ANKS1B: variants seen among roughly 807,000 people sequenced by gnomAD.
The protein encoded by ANKS1B is ankyrin repeat and sterile alpha motif domain-containing protein 1B.
In ANKS1B, 36 loss-of-function variants were observed where a neutral mutation model predicts 148.3. The ratio of observed to expected loss-of-function variants is 0.24; its 90% CI spans 0.19 to 0.32. The LOEUF is 0.32. Ranked by LOEUF, ANKS1B falls within the 10% of genes least tolerant of loss-of-function variation. The probability of loss-of-function intolerance (pLI) is 1.00; values close to 1 mark genes in which losing one functional copy is unlikely to be tolerated. For synonymous variants in ANKS1B, 542 were observed against 560.8 expected, an observed-to-expected ratio of 0.97 and a Z score of 0.47; for missense variants, 1,157 against 1,542.6, an observed-to-expected ratio of 0.75 and a Z score of 4.19.
chr12:99,554,381 C>G (rs1451125605), intron 9 of ANKS1B, among the ~76,000 whole-genome samples: 1 of 152,138 alleles, frequency 6.6e-6, no homozygotes, highest in Non-Finnish European at 1.5e-5. Flanking sequence ...CAGTCTTTCT[C>G]TCCCACGTTA....
At chr12:99,248,133 T>C (rs1008499491) in intron 12 of ANKS1B, among the ~76,000 whole-genome samples, 1 of 152,152 alleles carries the variant, frequency 6.6e-6, no homozygotes, top group Admixed American at 6.5e-5. Flanking sequence ...TGGAACGAGA[T>C]GGCCAAAATA....
At chr12:98,835,747 T>C (rs1432208337) in intron 17 of ANKS1B, among the ~76,000 whole-genome samples, 1 of 152,154 alleles carries the variant, frequency 6.6e-6, no homozygotes, top group Non-Finnish European at 1.5e-5. Context: ...GGATAGATGA[T>C]AGATGATAGA....
chr12:99,151,686 A>AT (rs1312345546), intron 15 of ANKS1B, among the ~76,000 whole-genome samples: 1 of 152,204 alleles, frequency 6.6e-6, no homozygotes, highest in Non-Finnish European at 1.5e-5. Flanking sequence ...TGTAGAACAG[A>AT]TTTAGCAAAT....
intron 12 of ANKS1B, among the ~76,000 whole-genome samples, chr12:99,272,135 T>C (rs1194965780): frequency 2.0e-5 from 3 of 152,102 alleles, no homozygotes; most frequent in African/African-American, 7.2e-5. Flanking sequence ...ATAAACAGTG[T>C]CTTCTATGGA....
At chr12:98,894,936 G>A in intron 17 of ANKS1B, 1 of 888,174 alleles carries the variant, frequency 1.1e-6, no homozygotes, top group Non-Finnish European at 1.3e-6. Flanking sequence ...CCCACCCCCC[G>A]CCGCGCGCCC....
chr12:99,562,347 CAA>C (rs1278679465), intron 9 of ANKS1B, among the ~76,000 whole-genome samples: 2 of 152,296 alleles, frequency 1.3e-5, no homozygotes, highest in East Asian at 1.9e-4. Context: ...TCACCCCTGA[CAA>C]AAGAGTCAGC....
chr12:99,292,861 G>A (rs1178579424), intron 12 of ANKS1B, among the ~76,000 whole-genome samples: 1 of 152,158 alleles, frequency 6.6e-6, no homozygotes, highest in African/African-American at 2.4e-5. Context: ...ACAGATGCTG[G>A]AGAGGATGTG....
intron 4 of ANKS1B, among the ~76,000 whole-genome samples, chr12:99,785,507 C>A (rs1043210008): frequency 8.6e-5 from 13 of 151,774 alleles, no homozygotes; most frequent in Non-Finnish European, 1.8e-4. Flanking sequence ...GATCTCAGCT[C>A]ACTGCAACCT....
rs1302180179 is a variant in ANKS1B, at chr12:99,450,518, GCTT to G, written c.1439-6712_1439-6710del. 2.0e-5 allele frequency among the ~76,000 whole-genome samples: 3 copies of G among 152,152 alleles called. No homozygotes were observed. The East Asian group carries it at 5.8e-4, about 29-fold the overall frequency. On this transcript the variant is annotated intron_variant, in intron 10 of 26. Coordinates refer to ENST00000683438, the MANE Select transcript of ANKS1B (RefSeq NM_001352186.2). ...ACTCCCTGCAAACTGTAAGCCAACA[GCTT>G]CTTGAATGTTTTTTTTCTGAGTATT...
At chr12:99,194,437 A>G (rs2081144133) in intron 14 of ANKS1B, among the ~76,000 whole-genome samples, 1 of 151,856 alleles carries the variant, frequency 6.6e-6, no homozygotes, top group African/African-American at 2.4e-5. Flanking sequence ...ATTATTTTAA[A>G]AATAGAGTTT....
chr12:99,957,759 C>T (rs2095345684), intron 1 of ANKS1B, among the ~76,000 whole-genome samples: 1 of 152,214 alleles, frequency 6.6e-6, no homozygotes, highest in African/African-American at 2.4e-5. Flanking sequence ...TCAGCACTGG[C>T]ATTGCTAACC....
chr12:99,493,465 T>C (rs1165704733), intron 10 of ANKS1B, among the ~76,000 whole-genome samples: 3 of 151,824 alleles, frequency 2.0e-5, no homozygotes, highest in Non-Finnish European at 4.4e-5. Flanking sequence ...AACAGGACTT[T>C]AGGAGACTAT....
At chr12:99,520,489 T>C (rs1044723589) in intron 9 of ANKS1B, among the ~76,000 whole-genome samples, 5 of 152,212 alleles carry the variant, frequency 3.3e-5, no homozygotes, top group African/African-American at 1.2e-4. Flanking sequence ...TTTTGCTACT[T>C]TTAGGATCCT....
chr12:98,850,138 T>A (rs1415235039), intron 17 of ANKS1B, among the ~76,000 whole-genome samples: 1 of 152,214 alleles, frequency 6.6e-6, no homozygotes, highest in Admixed American at 6.5e-5. Flanking sequence ...TTTAAAACTC[T>A]TATCTTCATT....
At chr12:99,378,546 CCAGGAGGCTGAGG>C (rs2093488260) in intron 12 of ANKS1B, among the ~76,000 whole-genome samples, 1 of 150,792 alleles carries the variant, frequency 6.6e-6, no homozygotes, top group Non-Finnish European at 1.5e-5. Context: ...TCTCAGCTAC[CCAGGAGGCTGAGG>C]CAGGAGAATT....
intron 17 of ANKS1B, among the ~76,000 whole-genome samples, chr12:98,871,373 C>T (rs78110477): frequency 0.035 from 5,314 of 152,064 alleles, 130 homozygotes; most frequent in Non-Finnish European, 0.047. Flanking sequence ...ATAATTTCTA[C>T]GATAGAAAAG....
intron 17 of ANKS1B, among the ~76,000 whole-genome samples, chr12:99,051,484 T>C (rs563663943): frequency 2.0e-5 from 3 of 152,294 alleles, no homozygotes; most frequent in African/African-American, 4.8e-5. Context: ...AGTTGGAAGA[T>C]TGTTTGGTTG....
At chr12:99,420,809 T>A (rs988013802) in intron 11 of ANKS1B, among the ~76,000 whole-genome samples, 1 of 152,170 alleles carries the variant, frequency 6.6e-6, no homozygotes, top group Non-Finnish European at 1.5e-5. Flanking sequence ...ATCATTAAGT[T>A]CTGAAATAGT....
chr12:99,161,529 ACCAAAACAAAAAAATCCCCC>A (rs1460013138), intron 14 of ANKS1B, among the ~76,000 whole-genome samples: 2 of 152,012 alleles, frequency 1.3e-5, no homozygotes. Flanking sequence ...AACAAACCAA[ACCAAAACAAAAAAATCCCCC>A]CCAAAACCCA....
Sources: gnomAD v4.1 joint callset for allele counts (sites outside exome capture counted in the v4.1 genomes callset) on GRCh38, gnomAD v4.1.1 for gene constraint, MANE v1.5 for transcripts, NCBI Gene and HGNC (gene_info 2026-07-23, HGNC 2026-07-21) for gene names.